IL33: variants seen among roughly 807,000 people sequenced by gnomAD.
IL33 encodes the protein interleukin-33.
IL33 carries 37 observed loss-of-function variants against 27.3 expected under a neutral mutation model. The ratio of observed to expected loss-of-function variants is 1.36; its 90% confidence interval spans 1.04 to 1.78. The LOEUF (loss-of-function observed/expected upper bound fraction) is 1.78. Among genes scored for constraint, IL33 ranks in the 40% most tolerant of loss-of-function variants. The pLI is 0.00. For missense variants in IL33, 406 were observed against 311.4 expected (o/e 1.30, Z -2.29); for synonymous variants, 132 against 102.9 (o/e 1.28, Z -1.71).
chr9:6,248,785 C>G (rs374519548), intron 2 of IL33, among the ~76,000 whole-genome samples: 20 of 151,886 alleles, frequency 1.3e-4, no homozygotes, highest in African/African-American at 4.1e-4. Context: ...TACTGTGTTG[C>G]CCAGGCTGGT....
intron 5 of IL33, among the ~76,000 whole-genome samples, chr9:6,253,220 A>G (rs1816513336): frequency 6.6e-6 from 1 of 152,340 alleles, no homozygotes; most frequent in South Asian, 2.1e-4. Context: ...ATTGAAATGC[A>G]GTATCTGTTG....
chr9:6,231,351 C>T (rs1050883513), intron 1 of IL33, among the ~76,000 whole-genome samples: 8 of 152,156 alleles, frequency 5.3e-5, no homozygotes, highest in Non-Finnish European at 8.8e-5. Context: ...CCCCATTGCC[C>T]GCTCTGCTCC....
chr9:6,242,092 C>T, intron 2 of IL33: 1 of 174,834 alleles, frequency 5.7e-6, no homozygotes, highest in Non-Finnish European at 1.2e-5. Context: ...ACACCTCCTG[C>T]TGCCAAACCC....
At chr9:6,251,077 T>C in intron 3 of IL33, 63 bp from the exon 4 acceptor site, 1 of 1,579,650 alleles carries the variant, frequency 6.3e-7, no homozygotes, top group South Asian at 1.1e-5. Flanking sequence ...CTGGGAATCC[T>C]CAAAGGGGCA....
At chr9:6,251,311 G>C (rs376664881) in intron 4 of IL33, 46 bp downstream of exon 4, 871 of 1,605,380 alleles carry the variant, frequency 5.4e-4, no homozygotes, top group Non-Finnish European at 7.0e-4. Flanking sequence ...AGGGAGGTAT[G>C]ACACAGGACC....
At chr9:6,230,471 ATG>A (rs1818873590) in intron 1 of IL33, among the ~76,000 whole-genome samples, 1 of 151,972 alleles carries the variant, frequency 6.6e-6, no homozygotes, top group Non-Finnish European at 1.5e-5. Flanking sequence ...TTTCCATATC[ATG>A]TATTCTAATC....
intron 1 of IL33, among the ~76,000 whole-genome samples, chr9:6,232,613 T>C (rs1308462323): frequency 6.6e-6 from 1 of 152,080 alleles, no homozygotes; most frequent in East Asian, 1.9e-4. Context: ...TAAAACCCAC[T>C]CCATTTTCTT....
At chr9:6,222,225 T>G (rs2130102831) in intron 1 of IL33, among the ~76,000 whole-genome samples, 1 of 152,364 alleles carries the variant, frequency 6.6e-6, no homozygotes, top group Non-Finnish European at 1.5e-5. Flanking sequence ...CTCTTCAGTT[T>G]TAAATGGCTT....
At chr9:6,230,369 T>C (rs1333941747) in intron 1 of IL33, among the ~76,000 whole-genome samples, 1 of 152,172 alleles carries the variant, frequency 6.6e-6, no homozygotes, top group Admixed American at 6.5e-5. Context: ...AGATGGAAAC[T>C]TTCAGAGTGG....
At chr9:6,231,887 C>T (rs1421247443) in intron 1 of IL33, among the ~76,000 whole-genome samples, 3 of 152,128 alleles carry the variant, frequency 2.0e-5, no homozygotes, top group African/African-American at 7.2e-5. Context: ...TTTCTCTTTT[C>T]TGTATTATCT....
intron 1 of IL33, among the ~76,000 whole-genome samples, chr9:6,237,320 G>C (rs1324817435): frequency 6.6e-6 from 1 of 152,178 alleles, no homozygotes; most frequent in Non-Finnish European, 1.5e-5. Context: ...TCAAGGCAAA[G>C]AATTTGCAGG....
chr9:6,254,744 T>C (rs2130469883), intron 7 of IL33, among the ~76,000 whole-genome samples, 191 bp downstream of exon 7: 1 of 152,218 alleles, frequency 6.6e-6, no homozygotes, highest in East Asian at 1.9e-4. Context: ...GAAAGTGGCA[T>C]GTATGGCTTT....
chr9:6,217,906 T>G (rs573382102), intron 1 of IL33, among the ~76,000 whole-genome samples: 134 of 147,080 alleles, frequency 9.1e-4, no homozygotes, highest in African/African-American at 3.1e-3. Context: ...GCACTGTGCT[T>G]CTCCCGCTGA....
At chr9:6,218,610 A>C (rs554915923) in intron 1 of IL33, among the ~76,000 whole-genome samples, 1 of 149,102 alleles carries the variant, frequency 6.7e-6, no homozygotes, top group African/African-American at 2.5e-5. Flanking sequence ...ATATATATAC[A>C]CATATATATT....
chr9:6,227,443 C>G (rs1818690141), intron 1 of IL33, among the ~76,000 whole-genome samples: 1 of 152,142 alleles, frequency 6.6e-6, no homozygotes, highest in Non-Finnish European at 1.5e-5. Context: ...GAGGGCTGTT[C>G]ATGGTAACTA....
At position 6,251,173 on chromosome 9, in the gene IL33, C is replaced by T; in HGVS notation, c.251C>T (p.Ala84Val). 1 of 1,613,958 alleles carries T rather than the reference C, an allele frequency of 6.2e-7. No individual in the cohort carries two copies. Among genetic ancestry groups the T allele is most frequent in the African/African-American group, 1.3e-5 (1 of 75,042 alleles). ...CACAAAAGACATCTGGTACTCGCTG[C>T]CTGTCAACAGCAGTCTACTGTGGAG... ...RKHKRHLVLA[A>V]CQQQSTVECF... The change falls in exon 4 of 8, where the codon GCC (alanine) becomes GTC (valine). Residue 84 changes from alanine to valine, a missense_variant. Coordinates refer to ENST00000682010, the MANE Select transcript of IL33 (RefSeq NM_033439.4).
intron 1 of IL33, among the ~76,000 whole-genome samples, chr9:6,239,495 T>G (rs960189138): frequency 4.6e-5 from 7 of 152,190 alleles, no homozygotes; most frequent in African/African-American, 1.7e-4. Flanking sequence ...ACACACCTAG[T>G]CCTAACCAGT....
intron 2 of IL33, chr9:6,242,647 C>A (rs1819595098): frequency 6.6e-6 from 1 of 152,146 alleles, no homozygotes; most frequent in African/African-American, 2.4e-5. Flanking sequence ...CTACTAAAAA[C>A]ATAAATAGAA....
intron 1 of IL33, among the ~76,000 whole-genome samples, chr9:6,227,305 G>T (rs1188678359): frequency 3.3e-5 from 5 of 152,028 alleles, no homozygotes; most frequent in Non-Finnish European, 4.4e-5. Flanking sequence ...CTTCCTCTTT[G>T]TCTCTAGGAT....
Sources: allele counts gnomAD v4.1 joint callset (sites outside exome capture counted in the v4.1 genomes callset), GRCh38; gene constraint gnomAD v4.1.1; transcripts MANE v1.5; gene names NCBI Gene and HGNC (gene_info 2026-07-23, HGNC 2026-07-21).